Variants in GRIP1 observed in about 807,000 individuals in gnomAD.
GRIP1 encodes the protein glutamate receptor-interacting protein 1.
Under a neutral mutation model 129.9 loss-of-function variants are expected in GRIP1, and 45 were observed. The observed-to-expected ratio is 0.35, with a 90% confidence interval of 0.27 to 0.44. The LOEUF is 0.44. GRIP1 is among the 20% of genes least tolerant of loss of function. The pLI, the probability that GRIP1 is intolerant of heterozygous loss-of-function variation, is 1.00. For missense variants in GRIP1, 1,196 were observed against 1,396.8 expected, an observed-to-expected ratio of 0.86 and a Z score of 2.29; for synonymous variants, 530 against 520.8, an observed-to-expected ratio of 1.02 and a Z score of -0.24.
chr12:67,066,961 G>A (rs1420640134), intron 1 of GRIP1, among the ~76,000 whole-genome samples: 1 of 147,332 alleles, frequency 6.8e-6, no homozygotes, highest in Non-Finnish European at 1.5e-5. Context: ...AGGAAATTGT[G>A]AAAGAAACAA....
chr12:66,576,875 G>A (rs1431111040), intron 2 of GRIP1, among the ~76,000 whole-genome samples: 1 of 152,182 alleles, frequency 6.6e-6, no homozygotes, highest in Non-Finnish European at 1.5e-5. Flanking sequence ...ATAAGAATAA[G>A]ACCTGTATGT....
intron 1 of GRIP1, among the ~76,000 whole-genome samples, chr12:66,729,960 T>C (rs970953110): frequency 1.3e-4 from 20 of 152,348 alleles, no homozygotes; most frequent in African/African-American, 4.6e-4. Context: ...GAAAATTGTA[T>C]GCATCATAGC....
At chr12:66,762,154 A>C (rs948840288) in intron 1 of GRIP1, among the ~76,000 whole-genome samples, 1 of 152,204 alleles carries the variant, frequency 6.6e-6, no homozygotes, top group African/African-American at 2.4e-5. Flanking sequence ...ATGACATTCA[A>C]TTTTGAGATA....
intron 1 of GRIP1, among the ~76,000 whole-genome samples, chr12:66,922,290 G>A (rs770944940): frequency 6.6e-6 from 1 of 152,168 alleles, no homozygotes; most frequent in Non-Finnish European, 1.5e-5. Flanking sequence ...TTGCCCTGGG[G>A]TGGGAGTGAG....
intron 1 of GRIP1, among the ~76,000 whole-genome samples, chr12:66,797,623 A>G (rs940171999): frequency 6.6e-6 from 1 of 152,230 alleles, no homozygotes; most frequent in African/African-American, 2.4e-5. Context: ...AAATGAAAAT[A>G]ACTAAAGAAT....
chr12:66,618,219 C>T (rs2065125343), intron 1 of GRIP1, among the ~76,000 whole-genome samples: 1 of 152,136 alleles, frequency 6.6e-6, no homozygotes, highest in Non-Finnish European at 1.5e-5. Flanking sequence ...GTTGTGCCAA[C>T]ATGCAAAGAT....
intron 15 of GRIP1, among the ~76,000 whole-genome samples, chr12:66,419,445 A>C (rs7397473): frequency 6.6e-6 from 1 of 151,970 alleles, no homozygotes; most frequent in Non-Finnish European, 1.5e-5. Flanking sequence ...ATAACTAAAA[A>C]AGTATAATTG....
At chr12:66,940,795 G>A (rs1046099321) in intron 1 of GRIP1, among the ~76,000 whole-genome samples, 26 of 152,020 alleles carry the variant, frequency 1.7e-4, no homozygotes, top group Non-Finnish European at 2.8e-4. Flanking sequence ...CATAAATTTC[G>A]CCCACTAAAT....
chr12:66,362,846 G>A (rs2054857238), intron 23 of GRIP1, among the ~76,000 whole-genome samples: 2 of 151,728 alleles, frequency 1.3e-5, no homozygotes, highest in South Asian at 4.1e-4. Flanking sequence ...TGAGTCTAGG[G>A]GATGGCAATT....
At chr12:66,937,490 C>T (rs2041505691) in intron 1 of GRIP1, among the ~76,000 whole-genome samples, 1 of 152,116 alleles carries the variant, frequency 6.6e-6, no homozygotes, top group South Asian at 2.1e-4. Context: ...GGTAGTTTTT[C>T]TGAGATCTGG....
At chr12:66,768,477 G>A (rs1310975991) in intron 1 of GRIP1, among the ~76,000 whole-genome samples, 2 of 152,144 alleles carry the variant, frequency 1.3e-5, no homozygotes, top group Admixed American at 1.3e-4. Context: ...TACAGATGAC[G>A]CACCTCAGTG....
chr12:66,800,079 T>G (rs754185758), intron 1 of GRIP1, among the ~76,000 whole-genome samples: 5 of 152,098 alleles, frequency 3.3e-5, no homozygotes, highest in Non-Finnish European at 5.9e-5. Flanking sequence ...TACACACACA[T>G]CACAATTACT....
intron 1 of GRIP1, among the ~76,000 whole-genome samples, chr12:66,598,628 T>A (rs2064150405): frequency 6.6e-6 from 1 of 152,244 alleles, no homozygotes; most frequent in Admixed American, 6.5e-5. Flanking sequence ...ACAGGCAATA[T>A]GCTTCATTTA....
At chr12:66,542,311 T>A (rs898439280) in intron 2 of GRIP1, among the ~76,000 whole-genome samples, 1 of 152,168 alleles carries the variant, frequency 6.6e-6, no homozygotes, top group African/African-American at 2.4e-5. Flanking sequence ...AGTACAGAAT[T>A]AGAACAGAAT....
chr12:66,861,585 A>G (rs1236450691), intron 1 of GRIP1, among the ~76,000 whole-genome samples: 1 of 152,110 alleles, frequency 6.6e-6, no homozygotes, highest in East Asian at 1.9e-4. Flanking sequence ...GAAATCCCAC[A>G]TGGCCATGGA....
upstream of GRIP1, among the ~76,000 whole-genome samples, chr12:66,682,040 G>T (rs577901793): frequency 3.3e-5 from 5 of 152,294 alleles, no homozygotes; most frequent in African/African-American, 1.2e-4. Context: ...CATTCAGCTA[G>T]TAAGTGGTAA....
chr12:67,030,690 G>A (rs941610889), intron 1 of GRIP1, among the ~76,000 whole-genome samples: 1 of 152,112 alleles, frequency 6.6e-6, no homozygotes, highest in Non-Finnish European at 1.5e-5. Flanking sequence ...GCTTCTAACT[G>A]TGAAAAAGTG....
intron 1 of GRIP1, among the ~76,000 whole-genome samples, chr12:66,786,611 G>T (rs1192163148): frequency 6.6e-6 from 1 of 152,168 alleles, no homozygotes; most frequent in Non-Finnish European, 1.5e-5. Context: ...AGCACTCAAG[G>T]GTGAATGTTG....
At chr12:66,703,814 T>C (rs532571796) in intron 1 of GRIP1, among the ~76,000 whole-genome samples, 8 of 152,144 alleles carry the variant, frequency 5.3e-5, no homozygotes, top group African/African-American at 1.9e-4. Flanking sequence ...CATTAAGATA[T>C]ATTACAAATC....
Sources: allele counts gnomAD v4.1 joint callset (sites outside exome capture counted in the v4.1 genomes callset), GRCh38; gene constraint gnomAD v4.1.1; transcripts MANE v1.5; gene names NCBI Gene and HGNC (gene_info 2026-07-23, HGNC 2026-07-21).